Variants in SGCZ observed in about 807,000 individuals in gnomAD.
SGCZ encodes the protein zeta-sarcoglycan.
A neutral mutation model predicts 41.3 loss-of-function variants in SGCZ; 40 were observed. The ratio of observed to expected loss-of-function variants is 0.97; its 90% confidence interval spans 0.75 to 1.26. The LOEUF (loss-of-function observed/expected upper bound fraction) is 1.26, where lower values mean the gene tolerates loss of function less well. Ranked by LOEUF, SGCZ falls within the 50% of genes most tolerant of loss-of-function variation. The pLI is 0.00. For synonymous variants in SGCZ, 206 were observed against 137.5 expected, an observed-to-expected ratio of 1.50 and a Z score of -3.49; for missense variants, 552 against 369.8, an observed-to-expected ratio of 1.49 and a Z score of -4.04.
At chr8:14,765,945 A>T (rs546737414) in intron 1 of SGCZ, among the ~76,000 whole-genome samples, 1 of 151,794 alleles carries the variant, frequency 6.6e-6, no homozygotes, top group South Asian at 2.1e-4. Flanking sequence ...TTATTTATGG[A>T]ACAACTCTTG....
chr8:14,268,127 G>C lies in SGCZ; in HGVS notation c.337-30448C>G, dbSNP rs564594926. 6.0e-5 allele frequency among the ~76,000 whole-genome samples: 9 copies of C among 150,286 alleles called. No individual in the cohort carries two copies. In the South Asian group the frequency reaches 6.3e-4, roughly 10 times the overall value. On this transcript the variant is annotated intron_variant, in intron 3 of 7. Transcript: ENST00000382080. Reference sequence around the variant, plus strand: ...CAGTGATAATATATATTGTATCTTTGAATAGTTTAATGATAAAATATAGTG... The same window carrying C: ...CAGTGATAATATATATTGTATCTTTCAATAGTTTAATGATAAAATATAGTG...
chr8:14,980,527 T>C (rs1801626172), intron 1 of SGCZ, among the ~76,000 whole-genome samples: 1 of 152,164 alleles, frequency 6.6e-6, no homozygotes, highest in Admixed American at 6.5e-5. Context: ...AGAGGTTTAA[T>C]TGGACTTATG....
chr8:14,614,520 C>G (rs979105355), intron 1 of SGCZ, among the ~76,000 whole-genome samples: 1 of 152,070 alleles, frequency 6.6e-6, no homozygotes, highest in Admixed American at 6.6e-5. Context: ...TTTTATCTTT[C>G]AAGATATATC....
At chr8:14,688,471 T>C (rs1808690380) in intron 1 of SGCZ, among the ~76,000 whole-genome samples, 1 of 152,150 alleles carries the variant, frequency 6.6e-6, no homozygotes. Flanking sequence ...CCATTGCTTG[T>C]TTTTCTCAGG....
chr8:14,539,582 C>T (rs761334769), intron 2 of SGCZ, among the ~76,000 whole-genome samples: 22 of 151,460 alleles, frequency 1.5e-4, no homozygotes, highest in African/African-American at 4.4e-4. Flanking sequence ...GTACAAGTAC[C>T]GGTTTGTTAC....
intron 2 of SGCZ, among the ~76,000 whole-genome samples, chr8:14,494,889 T>C (rs1801946214): frequency 6.6e-6 from 1 of 152,216 alleles, no homozygotes; most frequent in Non-Finnish European, 1.5e-5. Context: ...AATTTGCTTA[T>C]GTTAGGCATG....
chr8:14,810,113 G>A (rs915843180), intron 1 of SGCZ, among the ~76,000 whole-genome samples: 1 of 151,852 alleles, frequency 6.6e-6, no homozygotes, highest in Admixed American at 6.6e-5. Flanking sequence ...GGAAGTAATG[G>A]CAAAAAAATT....
intron 3 of SGCZ, among the ~76,000 whole-genome samples, chr8:14,301,801 T>A (rs1801199646): frequency 1.3e-5 from 2 of 152,222 alleles, no homozygotes; most frequent in African/African-American, 4.8e-5. Flanking sequence ...ACATAGTTTT[T>A]AAGTTATGAC....
intron 1 of SGCZ, among the ~76,000 whole-genome samples, chr8:15,219,040 G>A (rs1563190657): frequency 6.6e-6 from 1 of 152,034 alleles, no homozygotes; most frequent in Non-Finnish European, 1.5e-5. Flanking sequence ...GCTGTAAATC[G>A]TTTTACCCTG....
At chr8:14,645,084 G>C (rs1015054979) in intron 1 of SGCZ, among the ~76,000 whole-genome samples, 1 of 151,540 alleles carries the variant, frequency 6.6e-6, no homozygotes, top group Non-Finnish European at 1.5e-5. Context: ...TATTTGGCAA[G>C]CATCCCAGGG....
intron 4 of SGCZ, among the ~76,000 whole-genome samples, chr8:14,222,758 T>C (rs1410134722): frequency 6.6e-6 from 1 of 150,460 alleles, no homozygotes; most frequent in Admixed American, 6.6e-5. Context: ...CTAACTTATT[T>C]AATAACTAAT....
intron 1 of SGCZ, among the ~76,000 whole-genome samples, chr8:14,737,658 C>T (rs1284299752): frequency 1.3e-5 from 2 of 151,400 alleles, no homozygotes; most frequent in Admixed American, 1.3e-4. Context: ...GGCTTGTTTG[C>T]AGACGGCCAT....
intron 1 of SGCZ, among the ~76,000 whole-genome samples, chr8:15,053,154 C>T (rs1039857217): frequency 9.9e-5 from 15 of 152,116 alleles, no homozygotes; most frequent in African/African-American, 3.6e-4. Flanking sequence ...CTATTTGATG[C>T]TTTGATTTCA....
intron 4 of SGCZ, among the ~76,000 whole-genome samples, chr8:14,215,923 G>C (rs1805978583): frequency 6.6e-6 from 1 of 152,238 alleles, no homozygotes; most frequent in South Asian, 2.1e-4. Flanking sequence ...AATGCACTCA[G>C]ACACAGGTAC....
At chr8:14,555,987 T>C (rs1287846125) in intron 1 of SGCZ, among the ~76,000 whole-genome samples, 3 of 152,014 alleles carry the variant, frequency 2.0e-5, no homozygotes, top group African/African-American at 4.8e-5. Context: ...AGAAGTCAGT[T>C]CTGAAAAACT....
intron 1 of SGCZ, among the ~76,000 whole-genome samples, chr8:15,036,001 C>G (rs571199138): frequency 1.3e-5 from 2 of 151,066 alleles, no homozygotes; most frequent in East Asian, 3.9e-4. Flanking sequence ...AAGATCAGAG[C>G]AGAAATAAAT....
chr8:14,810,336 T>A (rs960810250), intron 1 of SGCZ, among the ~76,000 whole-genome samples: 6 of 152,034 alleles, frequency 3.9e-5, no homozygotes, highest in African/African-American at 1.4e-4. Flanking sequence ...TTTGAAGCAA[T>A]GAGAAAGATC....
At position 14,089,996 on chromosome 8, in the gene SGCZ, A is replaced by G. The variant is rs1801636272; in HGVS notation, c.*447T>C. ...AAGTCGGGGATAAAAGTTTACATCCAAAAAGATGAATGGAAAATTGTGCTT... is the reference window on the plus strand; with the variant it reads ...AAGTCGGGGATAAAAGTTTACATCCGAAAAGATGAATGGAAAATTGTGCTT... On this transcript the variant is annotated 3_prime_UTR_variant, in exon 8 of 8. Coordinates refer to ENST00000382080, the MANE Select transcript of SGCZ (RefSeq NM_139167.4). 6.5e-6 allele frequency: 1 copy of G among 153,016 alleles called. No homozygotes were observed. The highest frequency in any genetic ancestry group is 2.4e-5 in the African/African-American group (1 of 41,468). The allele number at this position is 153,016 out of a possible 1,614,324, so 9.5% of individuals were successfully genotyped here.
Position 14,117,559 on chromosome 8 carries a change from G to T in SGCZ, c.548-9324C>A, listed in dbSNP as rs185262630. On this transcript the variant is annotated intron_variant, in intron 5 of 7. Coordinates refer to ENST00000382080, the MANE Select transcript of SGCZ (RefSeq NM_139167.4). ...CTTGTAAATACCTTTCCAGAGAATTGAAAAAAAAGCTGATGCCCTAATATA... is the reference window on the plus strand; with the variant it reads ...CTTGTAAATACCTTTCCAGAGAATTTAAAAAAAAGCTGATGCCCTAATATA... 1.2e-4 allele frequency among the ~76,000 whole-genome samples: 18 copies of T among 150,470 alleles called. No homozygotes were observed. The East Asian group carries it at 3.5e-3, about 30-fold the overall frequency.
Sources: allele counts gnomAD v4.1 joint callset (sites outside exome capture counted in the v4.1 genomes callset), GRCh38; gene constraint gnomAD v4.1.1; transcripts MANE v1.5; gene names NCBI Gene and HGNC (gene_info 2026-07-23, HGNC 2026-07-21).